AGAP1: variants seen among roughly 807,000 people sequenced by gnomAD.
The protein encoded by AGAP1 is arf-GAP with GTPase, ANK repeat and PH domain-containing protein 1.
Under a neutral mutation model 105.3 loss-of-function variants are expected in AGAP1, and 29 were observed. The ratio of observed to expected loss-of-function variants is 0.28; its 90% confidence interval spans 0.21 to 0.38. AGAP1 has a LOEUF of 0.38. Among genes scored for constraint, AGAP1 ranks in the 10% least tolerant of loss-of-function variants. The pLI is 1.00. For synonymous variants in AGAP1, 509 were observed against 485.9 expected, an observed-to-expected ratio of 1.05 and a Z score of -0.63; for missense variants, 998 against 1,165.1, an observed-to-expected ratio of 0.86 and a Z score of 2.09.
Position 236,123,908 on chromosome 2 carries a change from T to TA in AGAP1, c.2371-10dup, listed in dbSNP as rs1200549195. 1 of 1,612,300 alleles carries TA rather than the reference T, an allele frequency of 6.2e-7. No individual in the cohort carries two copies. The highest frequency in any genetic ancestry group is 1.7e-5 in the Admixed American group (1 of 59,998). ...CCCATGATACTAATGTGGGCTCCCTTACCTCCGCAGTACGGAGTGGACGTC... is the reference window on the plus strand; with the variant it reads ...CCCATGATACTAATGTGGGCTCCCTTAACCTCCGCAGTACGGAGTGGACGTC... On this transcript the variant is annotated splice_polypyrimidine_tract_variant and intron_variant, in intron 17 of 17. Coordinates refer to ENST00000304032, the MANE Select transcript of AGAP1 (RefSeq NM_001037131.3). The surrounding 1 kb of genome is among the most constrained non-coding windows in gnomAD (Gnocchi z 4.6).
chr2:235,750,197 C>G lies in AGAP1; in HGVS notation c.539-157C>G, dbSNP rs1478714010. ...ATAACTTTCTCTTGTGTTTGAGTCT[C>G]TTAGTTGGGAGGCAAACGATGCTCT... On this transcript the variant is annotated intron_variant, in intron 5 of 17. Transcript: ENST00000304032. The surrounding 1 kb of genome is among the most constrained non-coding windows in gnomAD (Gnocchi z 5.3). 1.3e-5 allele frequency among the ~76,000 whole-genome samples: 2 copies of G among 152,192 alleles called. No homozygotes were observed. The highest frequency in any genetic ancestry group is 1.3e-4 in the Admixed American group (2 of 15,276).
At position 235,659,149 on chromosome 2, in the gene AGAP1, G is replaced by A. The variant is rs1017669246; in HGVS notation, c.164-50030G>A. On this transcript the variant is annotated intron_variant, in intron 1 of 17. Coordinates refer to ENST00000304032, the MANE Select transcript of AGAP1 (RefSeq NM_001037131.3). This position sits in a 1 kb window ranked among gnomAD's most constrained non-coding sequence, Gnocchi z 5.0. ...TGGAGCTGGATTCCCACACCCTGCC[G>A]AGTTTGTGCGTTTCTGTGAATCTGA... Among the ~76,000 whole-genome samples the A allele has an allele frequency of 4.6e-5, 7 of 152,200 alleles. No individual in the cohort carries two copies. The highest frequency in any genetic ancestry group is 1.7e-4 in the African/African-American group (7 of 41,444).
chr2:235,541,531 G>T (rs939317576), intron 1 of AGAP1, among the ~76,000 whole-genome samples: 4 of 151,764 alleles, frequency 2.6e-5, no homozygotes, highest in African/African-American at 9.7e-5. Context: ...GGGACTACAG[G>T]CGCCCGCCAC....
intron 11 of AGAP1, among the ~76,000 whole-genome samples, chr2:235,915,415 C>G (rs535299575): frequency 6.6e-6 from 1 of 152,206 alleles, no homozygotes; most frequent in South Asian, 2.1e-4. Context: ...TGGCTCATGC[C>G]TGTAATCCCA....
chr2:235,588,820 T>G (rs1945220300), intron 1 of AGAP1, among the ~76,000 whole-genome samples: 1 of 152,190 alleles, frequency 6.6e-6, no homozygotes, highest in South Asian at 2.1e-4. Context: ...TTCTGCCTCC[T>G]TTACCCAGCA....
intron 6 of AGAP1, among the ~76,000 whole-genome samples, chr2:235,759,686 A>G (rs188923522): frequency 2.5e-4 from 38 of 152,184 alleles, no homozygotes; most frequent in East Asian, 5.8e-4. Context: ...CTCTTATGCC[A>G]TATCCCTGGT....
rs1479231212 is a variant in AGAP1 at position 235,532,776 on chromosome 2, CTTTG to C, written c.163+37932_163+37935del. ...GAGCTCCTACCTGCCTCAGCTTACC[CTTTG>C]TTTGGTGCGTGGGTGCAGTGGGCAG... is the stretch of plus-strand genomic sequence containing the variant. On this transcript the variant is annotated intron_variant, in intron 1 of 17. Coordinates refer to ENST00000304032, the MANE Select transcript of AGAP1 (RefSeq NM_001037131.3). 5.9e-5 allele frequency among the ~76,000 whole-genome samples: 9 copies of C among 152,300 alleles called. No individual in the cohort carries two copies. The South Asian group carries it at 8.3e-4, about 14-fold the overall frequency.
rs2050340145 is a variant in AGAP1, at chr2:235,887,801, A to G, written c.1155+4352A>G. On this transcript the variant is annotated intron_variant, in intron 10 of 17. Coordinates refer to ENST00000304032, the MANE Select transcript of AGAP1 (RefSeq NM_001037131.3). The surrounding 1 kb of genome is among the most constrained non-coding windows in gnomAD (Gnocchi z 4.1). ...AAGAAGCCCAGGTAATTAGTGGACT[A>G]AAAAGGAAACTAGCATGCTTTTGGG... Among the ~76,000 whole-genome samples, 2 of 152,254 alleles carry G rather than the reference A, an allele frequency of 1.3e-5. No homozygotes were observed. Among genetic ancestry groups the G allele is most frequent in the South Asian group, 2.1e-4 (1 of 4,830 alleles).
chr2:236,041,266 A>ATTT (rs71039704), intron 15 of AGAP1, among the ~76,000 whole-genome samples: 9 of 148,090 alleles, frequency 6.1e-5, no homozygotes, highest in Non-Finnish European at 1.3e-4. Flanking sequence ...TCACTTGTTG[A>ATTT]TTTTTTTTTT....
At chr2:236,060,273 A>C (rs2058155473) in intron 16 of AGAP1, among the ~76,000 whole-genome samples, 1 of 152,262 alleles carries the variant, frequency 6.6e-6, no homozygotes, top group Non-Finnish European at 1.5e-5. Context: ...TAAATTGAAT[A>C]TTAGCCAAAT....
Position 235,550,328 on chromosome 2 carries a change from G to T in AGAP1, c.163+55479G>T, listed in dbSNP as rs1344890259. 6.6e-6 allele frequency among the ~76,000 whole-genome samples: 1 copy of T among 152,210 alleles called. No homozygotes were observed. ...TCCCCTCTGGCACTCTTTCTCTGGGGCTCTGTGTTCCCTTTGCCTTTTGAG... is the reference window on the plus strand; with the variant it reads ...TCCCCTCTGGCACTCTTTCTCTGGGTCTCTGTGTTCCCTTTGCCTTTTGAG... On this transcript the variant is annotated intron_variant, in intron 1 of 17. Transcript: ENST00000304032. This position sits in a 1 kb window ranked among gnomAD's most constrained non-coding sequence, Gnocchi z 4.6.
chr2:236,077,413 T>A (rs953938698), intron 16 of AGAP1, among the ~76,000 whole-genome samples: 2 of 150,876 alleles, frequency 1.3e-5, no homozygotes, highest in African/African-American at 4.9e-5. Context: ...CCGCCTCCCA[T>A]GTTCAAGTGA....
At position 235,622,653 on chromosome 2, in the gene AGAP1, G is replaced by A. The variant is rs1169637983; in HGVS notation, c.164-86526G>A. Among the ~76,000 whole-genome samples, 1 of 152,154 alleles carries A rather than the reference G, an allele frequency of 6.6e-6. No homozygotes were observed. The highest frequency in any genetic ancestry group is 1.5e-5 in the Non-Finnish European group (1 of 68,038). ...CCTATGAAATTGGGAGCCCTGGCTG[G>A]ATCAGAAGCACATGGTTCAGTGGAC... On this transcript the variant is annotated intron_variant, in intron 1 of 17. Coordinates refer to ENST00000304032, the MANE Select transcript of AGAP1 (RefSeq NM_001037131.3). The surrounding 1 kb of genome is among the most constrained non-coding windows in gnomAD (Gnocchi z 5.0).
At chr2:235,928,639 G>A (rs1370357465) in intron 11 of AGAP1, among the ~76,000 whole-genome samples, 4 of 152,210 alleles carry the variant, frequency 2.6e-5, no homozygotes, top group African/African-American at 9.6e-5. Context: ...CAGGAACATG[G>A]TGGGCACGGG....
At chr2:235,827,847 C>G (rs1458989461) in intron 9 of AGAP1, among the ~76,000 whole-genome samples, 1 of 152,208 alleles carries the variant, frequency 6.6e-6, no homozygotes, top group Non-Finnish European at 1.5e-5. Context: ...CTCTGGAATG[C>G]TTTGCGCCTG....
intron 1 of AGAP1, among the ~76,000 whole-genome samples, chr2:235,634,428 G>GA (rs1392353702): frequency 1.3e-5 from 2 of 152,224 alleles, no homozygotes; most frequent in Non-Finnish European, 2.9e-5. Context: ...GCATCCCTGA[G>GA]ATGGGACTCG....
At chr2:236,033,084 A>G (rs1169111231) in intron 13 of AGAP1, among the ~76,000 whole-genome samples, 2 of 152,094 alleles carry the variant, frequency 1.3e-5, no homozygotes, top group Non-Finnish European at 2.9e-5. Context: ...TGTCTCCACT[A>G]AAAATACAAA....
chr2:235,942,055 T>C (rs2053285165), intron 12 of AGAP1, among the ~76,000 whole-genome samples: 1 of 152,174 alleles, frequency 6.6e-6, no homozygotes, highest in Non-Finnish European at 1.5e-5. Flanking sequence ...AGCATTCCTC[T>C]AGACTCAAGA....
chr2:235,572,826 G>A lies in AGAP1; in HGVS notation c.163+77977G>A, dbSNP rs1280249289. On this transcript the variant is annotated intron_variant, in intron 1 of 17. Coordinates refer to ENST00000304032, the MANE Select transcript of AGAP1 (RefSeq NM_001037131.3). ...GCTCAGCGTGTGCCCAGCTCTGAGT[G>A]AGGCTACACATGTGAACAGGACCAG... Among the ~76,000 whole-genome samples the A allele has an allele frequency of 2.6e-5, 4 of 152,302 alleles. No homozygotes were observed. The East Asian group carries it at 7.7e-4, about 29-fold the overall frequency.
Sources: allele counts gnomAD v4.1 joint callset (sites outside exome capture counted in the v4.1 genomes callset), GRCh38; gene constraint gnomAD v4.1.1; non-coding constraint Gnocchi (gnomAD v3.1); transcripts MANE v1.5; gene names NCBI Gene and HGNC (gene_info 2026-07-23, HGNC 2026-07-21).